HIVEP1: variants seen among roughly 807,000 people sequenced by gnomAD.
The protein encoded by HIVEP1 is HIVEP zinc finger 1, also known as zinc finger protein 40.
A neutral mutation model predicts 180.0 loss-of-function variants in HIVEP1; 36 were observed. That is an observed-to-expected ratio of 0.20 (90% CI 0.15 to 0.26). HIVEP1 has a LOEUF of 0.26. Ranked by LOEUF, HIVEP1 falls within the 10% of genes least tolerant of loss-of-function variation. The probability of loss-of-function intolerance (pLI) is 1.00; values close to 1 mark genes in which losing one functional copy is unlikely to be tolerated. For missense variants in HIVEP1, 3,143 were observed against 3,268.7 expected (o/e 0.96, Z 0.94); for synonymous variants, 1,239 against 1,239.0 (o/e 1.00, Z 0.00).
chr6:12,190,904 C>T, the HIVEP1 span, among the ~76,000 whole-genome samples: 3 of 152,154 alleles, frequency 2.0e-5, no homozygotes, highest in Non-Finnish European at 4.4e-5. Context: ...AAATGTCTTA[C>T]TGATTGGTAT....
the HIVEP1 span, among the ~76,000 whole-genome samples, chr6:12,204,448 A>C: frequency 6.9e-6 from 1 of 144,484 alleles, no homozygotes; most frequent in Non-Finnish European, 1.5e-5. Context: ...TATCCCAGGC[A>C]CTGTGCCCAA....
intron 3 of HIVEP1, among the ~76,000 whole-genome samples, chr6:12,113,591 CT>C (rs1775038046): frequency 6.6e-6 from 1 of 152,136 alleles, no homozygotes. Flanking sequence ...ATGTAGCTTC[CT>C]TTTGCTTGCT....
At position 12,122,991 on chromosome 6, in the gene HIVEP1, T is replaced by C; in HGVS notation, c.3196T>C (p.Cys1066Arg). The change falls in exon 4 of 9, where the codon TGT becomes CGT. Residue 1066 changes from cysteine to arginine, a missense_variant. By Grantham distance (180) the Cys-to-Arg change is radical. Around this residue, in one of 12 missense-constraint regions of HIVEP1, gnomAD observed 1,357 missense variants for 1,260.5 expected, o/e 1.08. Coordinates refer to ENST00000379388, the MANE Select transcript of HIVEP1 (RefSeq NM_002114.4). ...CCTTCAGTTTCAGAATGCTCTGGGC[T>C]GTAATCCCAGTTTGCCTAAACATAA... ...EGLQFQNALG[C>R]NPSLPKHNVT... The C allele has an allele frequency of 6.2e-7, 1 of 1,614,166 alleles. No homozygotes were observed. Among genetic ancestry groups the C allele is most frequent in the Non-Finnish European group, 8.5e-7 (1 of 1,180,014 alleles).
chr6:12,015,734 G>A (rs1767697141), intron 2 of HIVEP1, 66 bp downstream of exon 2: 1 of 1,435,552 alleles, frequency 7.0e-7, no homozygotes, highest in Non-Finnish European at 9.7e-7. Context: ...TCTCTTTGGT[G>A]ACAGGAATGG....
intron 7 of HIVEP1, among the ~76,000 whole-genome samples, chr6:12,137,462 G>A (rs1327145743): frequency 3.3e-5 from 5 of 152,146 alleles, no homozygotes; most frequent in African/African-American, 1.2e-4. Context: ...AATTCCAAAA[G>A]CATTTGAACC....
intron 7 of HIVEP1, among the ~76,000 whole-genome samples, chr6:12,159,925 T>C (rs967526486): frequency 2.0e-5 from 3 of 152,220 alleles, no homozygotes; most frequent in African/African-American, 4.8e-5. Context: ...CTATGGGTCT[T>C]CTAAGGCTTT....
chr6:12,020,253 G>A (rs1768096170), intron 2 of HIVEP1: 5 of 461,642 alleles, frequency 1.1e-5, no homozygotes, highest in East Asian at 7.0e-5. Flanking sequence ...TGCAGGAAAC[G>A]TGGTGGGTGC....
chr6:12,163,553 G>T lies in HIVEP1; in HGVS notation c.7249G>T (p.Val2417Leu), dbSNP rs749804434. 4 of 1,614,176 alleles carry T rather than the reference G, an allele frequency of 2.5e-6. No individual in the cohort carries two copies. Among genetic ancestry groups the T allele is most frequent in the Admixed American group, 3.3e-5 (2 of 60,018 alleles). Residue 2417 changes from valine (V) to leucine (L), a missense_variant, in exon 9 of 9, where the codon GTG becomes TTG. Val to Leu is a conservative substitution (Grantham distance 32, BLOSUM62 1). This residue lies in a region of HIVEP1 where 595 missense variants were observed against 602.2 expected (regional missense o/e 0.99). Transcript: ENST00000379388. Reference sequence around the variant, plus strand: ...TGCTGGCCTCACATACTCCACGTTTGTGCCCCTTCAGGCTGGACCAGTGCA... The same window carrying T: ...TGCTGGCCTCACATACTCCACGTTTTTGCCCCTTCAGGCTGGACCAGTGCA... ...VPAGLTYSTF[V>L]PLQAGPVQLT...
Position 12,125,569 on chromosome 6 carries a change from T to C in HIVEP1, c.5774T>C (p.Ile1925Thr). Residue 1925 changes from isoleucine (I) to threonine (T), a missense_variant, in exon 4 of 9, where the codon ATC (isoleucine) becomes ACC (threonine). Physicochemically the swap from Ile to Thr is moderately conservative, Grantham distance 89. Coordinates refer to ENST00000379388, the MANE Select transcript of HIVEP1 (RefSeq NM_002114.4). ...QPVTSLSLFN[I>T]KDTQQLAFPS... ...GTCACTTCTCTTTCATTGTTTAACA[T>C]CAAGGACACCCAGCAGCTGGCTTTC... 1 of 1,614,226 alleles carries C rather than the reference T, an allele frequency of 6.2e-7. No individual in the cohort carries two copies. Among genetic ancestry groups the C allele is most frequent in the African/African-American group, 1.3e-5 (1 of 75,062 alleles).
chr6:12,069,395 G>A (rs916476213), intron 2 of HIVEP1, among the ~76,000 whole-genome samples: 1 of 152,048 alleles, frequency 6.6e-6, no homozygotes, highest in Admixed American at 6.6e-5. Flanking sequence ...GTGAGTGGAT[G>A]GGGAGGCCTA....
chr6:12,043,210 T>TA (rs1310818657), intron 2 of HIVEP1, among the ~76,000 whole-genome samples: 3 of 152,342 alleles, frequency 2.0e-5, no homozygotes, highest in African/African-American at 7.2e-5. Flanking sequence ...TGAAATACCC[T>TA]AACTTTTGAT....
At chr6:12,095,869 T>C (rs574045745) in intron 3 of HIVEP1, among the ~76,000 whole-genome samples, 2 of 152,100 alleles carry the variant, frequency 1.3e-5, no homozygotes, top group South Asian at 2.1e-4. Flanking sequence ...ATCTGTGTTA[T>C]AGTGATAGTT....
At chr6:12,017,173 T>C (rs1767832346) in intron 2 of HIVEP1, among the ~76,000 whole-genome samples, 1 of 152,240 alleles carries the variant, frequency 6.6e-6, no homozygotes, top group Non-Finnish European at 1.5e-5. Flanking sequence ...GGCCATAGGC[T>C]CTTTTCCTTT....
chr6:12,163,436 A>C lies in HIVEP1; in HGVS notation c.7132A>C (p.Thr2378Pro). ...QPTPGLPSPH[T>P]HLFSHLPLHS... ...GACTCCAGGCTTGCCTTCTCCCCAC[A>C]CTCATTTGTTTAGCCACCTTCCTTT... Residue 2378 changes from threonine (T) to proline (P), a missense_variant, in exon 9 of 9, where the codon ACT (threonine) becomes CCT (proline). Around this residue, in one of 12 missense-constraint regions of HIVEP1, gnomAD observed 595 missense variants for 602.2 expected, o/e 0.99. Transcript: ENST00000379388. 6.2e-7 allele frequency: 1 copy of C among 1,613,738 alleles called. No homozygotes were observed. Among genetic ancestry groups the C allele is most frequent in the African/African-American group, 1.3e-5 (1 of 74,862 alleles).
At chr6:12,131,012 G>A (rs1758387975) in intron 6 of HIVEP1, 70 bp downstream of exon 6, 1 of 1,148,232 alleles carries the variant, frequency 8.7e-7, no homozygotes. Context: ...ACCCAACTGT[G>A]CGTTTTCTTT....
intron 2 of HIVEP1, among the ~76,000 whole-genome samples, chr6:12,087,587 C>T (rs1265742004): frequency 2.0e-5 from 3 of 152,038 alleles, no homozygotes; most frequent in Non-Finnish European, 4.4e-5. Context: ...GTTTGAAAAT[C>T]TGCAGGTAAT....
rs377493934 is a variant in HIVEP1, at chr6:12,120,217, C to G, written c.422C>G (p.Ser141Cys). 2.9e-5 allele frequency: 47 copies of G among 1,614,090 alleles called. No homozygotes were observed. The Admixed American group carries it at 6.3e-4, about 22-fold the overall frequency. ...AAGCCCTTGTTTCTGCAGCAACCATCTGAACTGCGTAGATGGAGATCCGAA... is the reference window on the plus strand; with the variant it reads ...AAGCCCTTGTTTCTGCAGCAACCATGTGAACTGCGTAGATGGAGATCCGAA... ...PKKPLFLQQP[S>C]ELRRWRSEGA... The change falls in exon 4 of 9, where the codon TCT (serine) becomes TGT (cysteine). Residue 141 changes from serine (S) to cysteine (C), a missense_variant. This residue lies in a region of HIVEP1 where 306 missense variants were observed against 310.6 expected (regional missense o/e 0.99). Transcript: ENST00000379388.
intron 2 of HIVEP1, among the ~76,000 whole-genome samples, chr6:12,042,382 CTT>C (rs11317475): frequency 1.4e-4 from 19 of 133,392 alleles, no homozygotes; most frequent in Admixed American, 3.0e-4. Context: ...CACCCGGCCG[CTT>C]TTTTTTTTTT....
chr6:12,078,293 T>C (rs1194348084), intron 2 of HIVEP1, among the ~76,000 whole-genome samples: 1 of 108,738 alleles, frequency 9.2e-6, no homozygotes, highest in Non-Finnish European at 2.1e-5. Context: ...TCGTTTGACT[T>C]GGTCCGCATT....
Sources: gnomAD v4.1 joint callset for allele counts (sites outside exome capture counted in the v4.1 genomes callset) on GRCh38, gnomAD v4.1.1 for gene constraint, gnomAD v4.1.1 regional missense constraint, MANE v1.5 for transcripts, NCBI Gene and HGNC (gene_info 2026-07-23, HGNC 2026-07-21) for gene names.